The following ACBD6 variants were observed in gnomAD, a reference collection of about 807,000 sequenced individuals.
ACBD6 encodes the protein acyl-CoA-binding domain-containing protein 6.
A neutral mutation model predicts 37.2 loss-of-function variants in ACBD6; 28 were observed. The ratio of observed to expected loss-of-function variants is 0.75; its 90% confidence interval spans 0.56 to 1.03. The LOEUF (loss-of-function observed/expected upper bound fraction) is 1.03, where lower values mean the gene tolerates loss of function less well. Ranked by LOEUF, ACBD6 falls within the 50% of genes least tolerant of loss-of-function variation. ACBD6 has a pLI of 0.00. For synonymous variants in ACBD6, 113 were observed against 126.8 expected (o/e 0.89, Z 0.73); for missense variants, 340 against 337.4 (o/e 1.01, Z -0.06).
At chr1:180,436,321 G>A (rs1013335426) in intron 3 of ACBD6, among the ~76,000 whole-genome samples, 2 of 152,162 alleles carry the variant, frequency 1.3e-5, no homozygotes, top group African/African-American at 4.8e-5. Flanking sequence ...CCTAATTGAT[G>A]AGAAGCTCAC....
downstream of ACBD6, chr1:180,288,129 TCAG>T (rs1021024470): frequency 3.6e-5 from 18 of 503,800 alleles, no homozygotes; most frequent in South Asian, 2.0e-4. Flanking sequence ...CAGAGCATGC[TCAG>T]CAGAATTGGA....
At chr1:180,298,667 T>A (rs956074397) in intron 7 of ACBD6, among the ~76,000 whole-genome samples, 11 of 152,218 alleles carry the variant, frequency 7.2e-5, no homozygotes, top group African/African-American at 2.7e-4. Context: ...CAGATGTGAA[T>A]GAAATTTTAG....
intron 3 of ACBD6, among the ~76,000 whole-genome samples, chr1:180,485,122 G>GT (rs1186716428): frequency 1.3e-5 from 2 of 151,690 alleles, no homozygotes; most frequent in Non-Finnish European, 2.9e-5. Context: ...ACATTTGAGG[G>GT]TATGTAATTT....
At chr1:180,283,098 G>C (rs1649362129) in intron 8 of ACBD6, among the ~76,000 whole-genome samples, 1 of 149,304 alleles carries the variant, frequency 6.7e-6, no homozygotes, top group Non-Finnish European at 1.5e-5. Flanking sequence ...GGCACAGGAA[G>C]TGCCACTTTT....
intron 6 of ACBD6, among the ~76,000 whole-genome samples, chr1:180,396,456 T>C (rs1451981027): frequency 6.6e-6 from 1 of 151,826 alleles, no homozygotes. Flanking sequence ...ATAGAGTTCA[T>C]CAAAATTTAC....
intron 3 of ACBD6, among the ~76,000 whole-genome samples, chr1:180,432,253 T>C (rs780223370): frequency 2.0e-5 from 3 of 151,706 alleles, no homozygotes; most frequent in Non-Finnish European, 2.9e-5. Flanking sequence ...AATTGATTAG[T>C]AGGTCTTTAT....
At chr1:180,474,269 T>C (rs1488330479) in intron 3 of ACBD6, among the ~76,000 whole-genome samples, 1 of 152,180 alleles carries the variant, frequency 6.6e-6, no homozygotes. Flanking sequence ...ATCTGGAGTA[T>C]ATTGCTCTTT....
At chr1:180,498,041 A>G (rs143121432) in intron 1 of ACBD6, among the ~76,000 whole-genome samples, 1 of 152,342 alleles carries the variant, frequency 6.6e-6, no homozygotes, top group Non-Finnish European at 1.5e-5. Context: ...TCTTTTACCA[A>G]CACATAATTT....
At chr1:180,469,780 C>A (rs1008985705) in intron 3 of ACBD6, among the ~76,000 whole-genome samples, 4 of 152,170 alleles carry the variant, frequency 2.6e-5, no homozygotes, top group Non-Finnish European at 5.9e-5. Flanking sequence ...ATATCCTCAG[C>A]AACACTAACA....
Position 180,341,813 on chromosome 1 carries a change from G to T in ACBD6, c.664-27091C>A, listed in dbSNP as rs571033111. 5.9e-4 allele frequency among the ~76,000 whole-genome samples: 90 copies of T among 151,892 alleles called. 1 individual carries two copies. Among genetic ancestry groups the T allele is most frequent in the Non-Finnish European group, 8.7e-4 (59 of 67,924 alleles). On this transcript the variant is annotated intron_variant, in intron 6 of 7. Transcript: ENST00000367595. ...TATTTTTATGCTCTCTGTGGTCATG[G>T]TATTGTTGGTACACTCTCTGAATTG... is the stretch of plus-strand genomic sequence containing the variant.
At chr1:180,358,681 T>C (rs1652726739) in intron 6 of ACBD6, among the ~76,000 whole-genome samples, 1 of 152,128 alleles carries the variant, frequency 6.6e-6, no homozygotes, top group South Asian at 2.1e-4. Context: ...GCTTGAACAG[T>C]TGTGTCCTGA....
chr1:180,283,284 C>T (rs191125638), downstream of ACBD6, among the ~76,000 whole-genome samples: 6 of 152,150 alleles, frequency 3.9e-5, no homozygotes, highest in East Asian at 1.2e-3. Context: ...CTAGTACAGT[C>T]CATTGGAAGT....
chr1:180,374,274 C>G (rs566850894), intron 6 of ACBD6, among the ~76,000 whole-genome samples: 2 of 152,320 alleles, frequency 1.3e-5, no homozygotes, highest in South Asian at 4.1e-4. Flanking sequence ...CCCTTACACT[C>G]ACATGCACAC....
In ACBD6 at chr1:180,502,359, C is replaced by G. The variant is rs1652021075; in HGVS notation, c.-93G>C. The G allele has an allele frequency of 7.0e-7, 1 of 1,419,400 alleles. No individual in the cohort carries two copies. The highest frequency in any genetic ancestry group is 1.4e-5 in the African/African-American group (1 of 71,022). The allele number at this position is 1,419,400 out of a possible 1,614,324, so 87.9% of individuals were successfully genotyped here. The stretch of plus-strand genomic sequence containing the variant: ...GGAGGCCTGGCCCACCAGTCTGGGT[C>G]GCGAGCCTGAGCTCCAGTCGGACCC... On this transcript the variant is annotated 5_prime_UTR_variant, in exon 1 of 8. Coordinates refer to ENST00000367595, the MANE Select transcript of ACBD6 (RefSeq NM_032360.4).
chr1:180,314,565 A>G (rs1027415506), intron 7 of ACBD6, 127 bp downstream of exon 7: 10 of 782,960 alleles, frequency 1.3e-5, no homozygotes, highest in East Asian at 8.2e-5. Context: ...TTTTGAACAA[A>G]AAGTTATTGT....
At chr1:180,331,231 T>C (rs1219203921) in intron 6 of ACBD6, among the ~76,000 whole-genome samples, 2 of 152,204 alleles carry the variant, frequency 1.3e-5, no homozygotes, top group African/African-American at 4.8e-5. Context: ...ATCAGGTATT[T>C]ATCATTCCTT....
At chr1:180,459,318 CCCCT>C (rs1281877734) in intron 3 of ACBD6, among the ~76,000 whole-genome samples, 1 of 152,146 alleles carries the variant, frequency 6.6e-6, no homozygotes, top group Non-Finnish European at 1.5e-5. Flanking sequence ...CTAACATTCC[CCCCT>C]AAGTATATCT....
intron 3 of ACBD6, among the ~76,000 whole-genome samples, chr1:180,430,770 TA>T (rs1648782329): frequency 1.4e-5 from 2 of 148,056 alleles, no homozygotes. Context: ...ATATCTCAAA[TA>T]AAAGAAAAAA....
intron 6 of ACBD6, among the ~76,000 whole-genome samples, chr1:180,366,670 T>C (rs1287055969): frequency 6.6e-6 from 1 of 152,016 alleles, no homozygotes; most frequent in Admixed American, 6.6e-5. Context: ...CTATTCAATA[T>C]AAAAATGACA....
Sources: gnomAD v4.1 joint callset for allele counts (sites outside exome capture counted in the v4.1 genomes callset) on GRCh38, gnomAD v4.1.1 for gene constraint, MANE v1.5 for transcripts, NCBI Gene and HGNC (gene_info 2026-07-23, HGNC 2026-07-21) for gene names.